The following SDK1 variants were observed in gnomAD, a reference collection of about 807,000 sequenced individuals.
SDK1 encodes protein sidekick-1.
In SDK1, 157 loss-of-function variants were observed where a neutral mutation model predicts 245.5. The observed-to-expected ratio is 0.64, with a 90% CI of 0.56 to 0.73. The LOEUF (loss-of-function observed/expected upper bound fraction) is 0.73. SDK1 is among the 30% of genes least tolerant of loss of function. The probability of loss-of-function intolerance (pLI) is 0.00; values close to 1 mark genes in which losing one functional copy is unlikely to be tolerated. For missense variants in SDK1, 3,583 were observed against 3,002.3 expected, an observed-to-expected ratio of 1.19 and a Z score of -4.52; for synonymous variants, 1,647 against 1,278.5, an observed-to-expected ratio of 1.29 and a Z score of -6.15.
chr7:3,566,920 A>T (rs573204971), intron 1 of SDK1, among the ~76,000 whole-genome samples: 1 of 152,184 alleles, frequency 6.6e-6, no homozygotes, highest in Non-Finnish European at 1.5e-5. Flanking sequence ...GATGGTAGAT[A>T]CAAGTGGGGA....
At chr7:4,012,796 A>T (rs1261757616) in intron 16 of SDK1, among the ~76,000 whole-genome samples, 2 of 151,408 alleles carry the variant, frequency 1.3e-5, no homozygotes, top group Non-Finnish European at 2.9e-5. Flanking sequence ...CTGGTCTCAA[A>T]CTCCTGACCT....
chr7:3,734,837 T>C (rs1485324541), intron 4 of SDK1, among the ~76,000 whole-genome samples: 1 of 152,240 alleles, frequency 6.6e-6, no homozygotes, highest in Non-Finnish European at 1.5e-5. Context: ...CCAGCTTTTC[T>C]TTGGCAATTT....
rs574519425 is a variant in SDK1 at position 3,954,953 on chromosome 7, T to G, written c.1150+3033T>G. Among the ~76,000 whole-genome samples, 4 of 151,634 alleles carry G rather than the reference T, an allele frequency of 2.6e-5. No homozygotes were observed. In the East Asian group the frequency reaches 7.8e-4, roughly 30 times the overall value. Reference sequence around the variant, plus strand: ...GAATCAGGATGTGCCTCACCACCTATGAAACCATTTTTTTTTTCCTTGGGG... The same window carrying G: ...GAATCAGGATGTGCCTCACCACCTAGGAAACCATTTTTTTTTTCCTTGGGG... On this transcript the variant is annotated intron_variant, in intron 7 of 44. Transcript: ENST00000404826.
chr7:4,176,526 T>C (rs1782223080), intron 34 of SDK1, among the ~76,000 whole-genome samples: 1 of 152,170 alleles, frequency 6.6e-6, no homozygotes, highest in Non-Finnish European at 1.5e-5. Flanking sequence ...CTTAACCATT[T>C]TTAGGTGTAC....
At chr7:3,699,644 G>A (rs1784684106) in intron 4 of SDK1, among the ~76,000 whole-genome samples, 1 of 152,144 alleles carries the variant, frequency 6.6e-6, no homozygotes, top group African/African-American at 2.4e-5. Flanking sequence ...AGATTTCTGG[G>A]ACTACAATAA....
chr7:3,927,406 G>A (rs1349863106), intron 5 of SDK1, among the ~76,000 whole-genome samples: 4 of 152,048 alleles, frequency 2.6e-5, no homozygotes, highest in South Asian at 2.1e-4. Context: ...TATATGCATC[G>A]TACATATTTT....
At chr7:3,631,412 T>C (rs576327123) in intron 2 of SDK1, among the ~76,000 whole-genome samples, 1 of 152,358 alleles carries the variant, frequency 6.6e-6, no homozygotes, top group African/African-American at 2.4e-5. Flanking sequence ...TCTCTAGTTG[T>C]CCATCTTGAT....
chr7:4,247,070 G>A (rs547403222), intron 44 of SDK1, among the ~76,000 whole-genome samples: 1 of 152,320 alleles, frequency 6.6e-6, no homozygotes, highest in Middle Eastern at 3.4e-3. Context: ...GCCAGGCCTG[G>A]AGAGGGGTGA....
chr7:3,664,153 T>G (rs1007541605), intron 4 of SDK1, among the ~76,000 whole-genome samples: 3 of 152,300 alleles, frequency 2.0e-5, no homozygotes, highest in African/African-American at 7.2e-5. Flanking sequence ...GATATTTTTC[T>G]TTCTTCTTGG....
intron 1 of SDK1, among the ~76,000 whole-genome samples, chr7:3,529,280 C>G (rs966100255): frequency 6.6e-6 from 1 of 152,108 alleles, no homozygotes; most frequent in Non-Finnish European, 1.5e-5. Flanking sequence ...TTGCCAACTG[C>G]CTAGATTCTG....
chr7:3,698,258 G>C (rs1354092144), intron 4 of SDK1, among the ~76,000 whole-genome samples: 1 of 152,210 alleles, frequency 6.6e-6, no homozygotes, highest in Non-Finnish European at 1.5e-5. Context: ...AGGGAGCTTA[G>C]ACTTTCAGCG....
At chr7:3,808,408 T>C (rs1779303212) in intron 4 of SDK1, among the ~76,000 whole-genome samples, 1 of 152,178 alleles carries the variant, frequency 6.6e-6, no homozygotes, top group South Asian at 2.1e-4. Context: ...AATCTCAGAA[T>C]GCTGAAAGGA....
chr7:3,495,200 C>A (rs372446988), intron 1 of SDK1, among the ~76,000 whole-genome samples: 1 of 150,748 alleles, frequency 6.6e-6, no homozygotes, highest in Non-Finnish European at 1.5e-5. Flanking sequence ...TCCCTCAGAA[C>A]TGTCATTTCA....
chr7:3,481,321 C>G (rs1000045393), intron 1 of SDK1, among the ~76,000 whole-genome samples: 3 of 152,200 alleles, frequency 2.0e-5, no homozygotes, highest in African/African-American at 7.2e-5. Context: ...GAACTCTGTT[C>G]ATCTGACTGT....
chr7:3,746,762 C>T (rs1251986531), intron 4 of SDK1, among the ~76,000 whole-genome samples: 1 of 152,238 alleles, frequency 6.6e-6, no homozygotes, highest in African/African-American at 2.4e-5. Context: ...GTTTCTACCA[C>T]ATCTGCACTT....
chr7:3,920,938 A>G lies in SDK1; in HGVS notation c.848-29985A>G, dbSNP rs75012695. Among the ~76,000 whole-genome samples the G allele has an allele frequency of 7.0e-4, 106 of 152,280 alleles. 1 individual carries two copies. In the East Asian group the frequency reaches 0.017, roughly 25 times the overall value. On this transcript the variant is annotated intron_variant, in intron 5 of 44. Coordinates refer to ENST00000404826, the MANE Select transcript of SDK1 (RefSeq NM_152744.4). Reference sequence around the variant, plus strand: ...GAGCGGGCACTGAGGGGCACAAGTGATTAAATACCACCCCTGCCCTCAAAT... The same window carrying G: ...GAGCGGGCACTGAGGGGCACAAGTGGTTAAATACCACCCCTGCCCTCAAAT...
intron 1 of SDK1, among the ~76,000 whole-genome samples, chr7:3,330,893 G>A (rs1235073760): frequency 1.3e-5 from 2 of 150,906 alleles, no homozygotes; most frequent in African/African-American, 4.9e-5. Flanking sequence ...GATTGCTTGA[G>A]TCCAGGAGGC....
At chr7:3,691,657 C>G (rs1784439182) in intron 4 of SDK1, among the ~76,000 whole-genome samples, 1 of 152,148 alleles carries the variant, frequency 6.6e-6, no homozygotes, top group African/African-American at 2.4e-5. Context: ...GATTTTTCCT[C>G]TTGTGACCTT....
At chr7:3,534,410 A>G (rs1221436497) in intron 1 of SDK1, among the ~76,000 whole-genome samples, 1 of 152,148 alleles carries the variant, frequency 6.6e-6, no homozygotes, top group Non-Finnish European at 1.5e-5. Flanking sequence ...TGGAAGTGAG[A>G]TTGCTGGATC....
Sources: gnomAD v4.1 joint callset for allele counts (sites outside exome capture counted in the v4.1 genomes callset) on GRCh38, gnomAD v4.1.1 for gene constraint, MANE v1.5 for transcripts, NCBI Gene and HGNC (gene_info 2026-07-23, HGNC 2026-07-21) for gene names.